The following USP32 variants were observed in gnomAD, a reference collection of about 807,000 sequenced individuals.
The protein encoded by USP32 is ubiquitin specific peptidase 32.
In USP32, 59 loss-of-function variants were observed where a neutral mutation model predicts 204.8. The observed-to-expected ratio is 0.29, with a 90% CI of 0.23 to 0.36. USP32 has a LOEUF of 0.36. USP32 is among the 10% of genes least tolerant of loss of function. The pLI, the probability that USP32 is intolerant of heterozygous loss-of-function variation, is 1.00. For synonymous variants in USP32, 517 were observed against 678.4 expected (o/e 0.76, Z 3.70); for missense variants, 1,160 against 1,946.4 (o/e 0.60, Z 7.60).
chr17:60,186,201 T>C (rs1236177029), intron 29 of USP32, among the ~76,000 whole-genome samples: 1 of 152,214 alleles, frequency 6.6e-6, no homozygotes, highest in East Asian at 1.9e-4. Flanking sequence ...TTTTGAACGC[T>C]TCAAAATGAC....
intron 29 of USP32, among the ~76,000 whole-genome samples, chr17:60,189,047 A>G (rs149577741): frequency 4.9e-4 from 74 of 152,382 alleles, no homozygotes; most frequent in African/African-American, 1.8e-3. Context: ...AGGGGAAGAG[A>G]TTTATAGAGC....
chr17:60,403,260 C>T (rs141832443), intron 1 of USP32, among the ~76,000 whole-genome samples: 2,348 of 152,230 alleles, frequency 0.015, 32 homozygotes, highest in Non-Finnish European at 0.021. Flanking sequence ...TCGTGATCTG[C>T]CGGCCTCGGC....
intron 17 of USP32, among the ~76,000 whole-genome samples, chr17:60,213,912 G>T (rs1163611778): frequency 6.6e-6 from 1 of 151,366 alleles, no homozygotes; most frequent in Non-Finnish European, 1.5e-5. Flanking sequence ...GGGAACAGGT[G>T]GTGTTTGGTT....
intron 2 of USP32, 119 bp downstream of exon 2, chr17:60,345,362 C>T: frequency 2.1e-6 from 3 of 1,419,398 alleles, no homozygotes; most frequent in East Asian, 2.3e-5. Context: ...TTTACCCACT[C>T]AGGAAGAAAA....
At chr17:60,419,689 C>T (rs1210229868) in intron 1 of USP32, among the ~76,000 whole-genome samples, 9 of 148,578 alleles carry the variant, frequency 6.1e-5, no homozygotes, top group East Asian at 4.0e-4. Flanking sequence ...GCAGAGATGG[C>T]GCCACTGCAT....
chr17:60,378,301 G>A (rs2089586913), intron 1 of USP32, among the ~76,000 whole-genome samples: 1 of 152,138 alleles, frequency 6.6e-6, no homozygotes, highest in South Asian at 2.1e-4. Flanking sequence ...AACAAGTATT[G>A]GGTAGATATG....
chr17:60,359,360 G>A (rs1256944209), intron 1 of USP32, among the ~76,000 whole-genome samples: 1 of 152,074 alleles, frequency 6.6e-6, no homozygotes. Flanking sequence ...CCAACACCCA[G>A]CAAAGAACCT....
At chr17:60,347,651 C>G (rs1424406498) in intron 1 of USP32, among the ~76,000 whole-genome samples, 3 of 151,336 alleles carry the variant, frequency 2.0e-5, no homozygotes, top group African/African-American at 7.3e-5. Flanking sequence ...CCGCGCCCGG[C>G]CTACACCTGG....
chr17:60,353,730 G>A (rs1348479736), intron 1 of USP32, among the ~76,000 whole-genome samples: 1 of 152,176 alleles, frequency 6.6e-6, no homozygotes, highest in South Asian at 2.1e-4. Flanking sequence ...GACAGAGTGA[G>A]ACTCTGTCTA....
chr17:60,364,875 C>T (rs1228180818), intron 1 of USP32, among the ~76,000 whole-genome samples: 1 of 152,120 alleles, frequency 6.6e-6, no homozygotes, highest in East Asian at 1.9e-4. Context: ...CTTCTATATA[C>T]AAGTCAAACC....
intron 29 of USP32, 72 bp downstream of exon 29, chr17:60,190,491 T>C (rs1465385876): frequency 2.1e-6 from 3 of 1,461,432 alleles, no homozygotes; most frequent in Admixed American, 5.4e-5. Context: ...AAAACAGAAA[T>C]GGCATAATAG....
intron 2 of USP32, among the ~76,000 whole-genome samples, chr17:60,318,945 A>G (rs1187831452): frequency 6.6e-6 from 1 of 152,256 alleles, no homozygotes; most frequent in East Asian, 1.9e-4. Flanking sequence ...ATGTTACAAC[A>G]TGAATGAACT....
intron 16 of USP32, among the ~76,000 whole-genome samples, chr17:60,216,395 T>C (rs1348355809): frequency 2.6e-5 from 4 of 152,058 alleles, no homozygotes; most frequent in Middle Eastern, 6.8e-3. Flanking sequence ...TGTATTTTAT[T>C]GAGCAACCCA....
intron 5 of USP32, among the ~76,000 whole-genome samples, chr17:60,286,505 T>A (rs2087116226): frequency 1.3e-5 from 2 of 152,164 alleles, no homozygotes; most frequent in South Asian, 4.1e-4. Flanking sequence ...ATAATTCTTT[T>A]CTAGGGACTG....
intron 2 of USP32, among the ~76,000 whole-genome samples, chr17:60,312,143 G>A (rs1282717877): frequency 6.6e-6 from 1 of 152,184 alleles, no homozygotes; most frequent in Non-Finnish European, 1.5e-5. Context: ...GTGCCAAGTC[G>A]TCTCATTCCA....
At chr17:60,274,119 G>T (rs1403054134) in intron 5 of USP32, among the ~76,000 whole-genome samples, 1 of 151,784 alleles carries the variant, frequency 6.6e-6, no homozygotes, top group African/African-American at 2.4e-5. Flanking sequence ...CAACTATAAA[G>T]AAGTATCAAC....
chr17:60,341,393 G>A (rs926382227), intron 2 of USP32, among the ~76,000 whole-genome samples: 1 of 151,960 alleles, frequency 6.6e-6, no homozygotes, highest in Non-Finnish European at 1.5e-5. Flanking sequence ...CTCAGCATTT[G>A]CTTGTCTGTA....
rs1356348955 is a variant in USP32 at position 60,190,559 on chromosome 17, T to C, written c.3642+4A>G. The C allele has an allele frequency of 5.1e-6, 8 of 1,575,240 alleles. No individual in the cohort carries two copies. Among genetic ancestry groups the C allele is most frequent in the Non-Finnish European group, 6.9e-6 (8 of 1,167,772 alleles). ...ACCATTTTATGGTGGCCCTAAATACTTACCCTTTCCTGGGATGTTTGATAG... is the reference window on the plus strand; with the variant it reads ...ACCATTTTATGGTGGCCCTAAATACCTACCCTTTCCTGGGATGTTTGATAG... On this transcript the variant is annotated splice_donor_region_variant and intron_variant, in intron 29 of 33. Coordinates refer to ENST00000300896, the MANE Select transcript of USP32 (RefSeq NM_032582.4).
intron 5 of USP32, among the ~76,000 whole-genome samples, chr17:60,288,039 G>A (rs999638075): frequency 1.2e-4 from 17 of 142,958 alleles, no homozygotes; most frequent in South Asian, 6.8e-4. Flanking sequence ...GCGTGAACCC[G>A]GGAGGTGGAG....
Sources: gnomAD v4.1 joint callset for allele counts (sites outside exome capture counted in the v4.1 genomes callset) on GRCh38, gnomAD v4.1.1 for gene constraint, MANE v1.5 for transcripts, NCBI Gene and HGNC (gene_info 2026-07-23, HGNC 2026-07-21) for gene names.